Variants in FHOD3 observed in about 807,000 individuals in gnomAD.
FHOD3 encodes formin homology 2 domain containing 3.
FHOD3 carries 90 observed loss-of-function variants against 173.0 expected under a neutral mutation model. The observed-to-expected ratio is 0.52, with a 90% CI of 0.44 to 0.62. The LOEUF is 0.62. Among genes scored for constraint, FHOD3 ranks in the 20% least tolerant of loss-of-function variants. FHOD3 has a pLI of 0.00. For missense variants in FHOD3, 1,945 were observed against 2,034.7 expected (o/e 0.96, Z 0.85); for synonymous variants, 828 against 823.0 (o/e 1.01, Z -0.10).
At chr18:36,496,296 A>G (rs2054740614) in intron 3 of FHOD3, among the ~76,000 whole-genome samples, 1 of 152,130 alleles carries the variant, frequency 6.6e-6, no homozygotes, top group Non-Finnish European at 1.5e-5. Flanking sequence ...GTCACATCAA[A>G]GTTGCTGGTT....
intron 1 of FHOD3, among the ~76,000 whole-genome samples, chr18:36,350,101 A>C (rs548240945): frequency 6.6e-6 from 1 of 152,150 alleles, no homozygotes; most frequent in Non-Finnish European, 1.5e-5. Context: ...TGACTGCACT[A>C]TCTTTGCTGG....
chr18:36,448,698 C>G (rs923730124), intron 3 of FHOD3, among the ~76,000 whole-genome samples: 2 of 148,728 alleles, frequency 1.3e-5, no homozygotes, highest in Non-Finnish European at 3.0e-5. Context: ...TCTTGCTGGG[C>G]CAGTGAGGGT....
chr18:36,575,544 A>AT (rs1325566310), intron 5 of FHOD3, among the ~76,000 whole-genome samples: 18 of 152,160 alleles, frequency 1.2e-4, no homozygotes, highest in African/African-American at 4.3e-4. Context: ...ATTCTTCTGT[A>AT]TTTTTCTAAT....
chr18:36,447,971 G>A, intron 3 of FHOD3, among the ~76,000 whole-genome samples: 1 of 152,206 alleles, frequency 6.6e-6, no homozygotes, highest in East Asian at 1.9e-4. Flanking sequence ...AGAGAACATT[G>A]TGTAGACTTT....
chr18:36,746,874 A>AT, intron 23 of FHOD3, 71 bp from the exon 24 acceptor site: 2 of 1,189,126 alleles, frequency 1.7e-6, no homozygotes, highest in Non-Finnish European at 2.3e-6. Flanking sequence ...CCCCAGAGGC[A>AT]GTTTTGTCTC....
chr18:36,305,992 CCCT>C (rs1440715875), intron 1 of FHOD3, among the ~76,000 whole-genome samples: 1 of 152,140 alleles, frequency 6.6e-6, no homozygotes, highest in African/African-American at 2.4e-5. Flanking sequence ...AATACTGTCC[CCCT>C]CCTCTGTCTG....
intron 17 of FHOD3, among the ~76,000 whole-genome samples, chr18:36,695,874 A>G (rs2039253973): frequency 6.6e-6 from 1 of 152,232 alleles, no homozygotes; most frequent in Admixed American, 6.5e-5. Flanking sequence ...TCAAATGTTC[A>G]AAAGTAACCT....
intron 1 of FHOD3, among the ~76,000 whole-genome samples, chr18:36,304,551 A>G (rs1241045695): frequency 6.6e-6 from 1 of 152,118 alleles, no homozygotes; most frequent in Non-Finnish European, 1.5e-5. Context: ...GCTAACCATC[A>G]GTGGATTTTT....
At chr18:36,401,840 A>G (rs2048825539) in intron 3 of FHOD3, among the ~76,000 whole-genome samples, 1 of 152,188 alleles carries the variant, frequency 6.6e-6, no homozygotes, top group Non-Finnish European at 1.5e-5. Context: ...GCAGACCTGA[A>G]GGACCATTTT....
At chr18:36,774,774 C>G (rs1484699876) in intron 28 of FHOD3, among the ~76,000 whole-genome samples, 2 of 152,174 alleles carry the variant, frequency 1.3e-5, no homozygotes, top group Non-Finnish European at 2.9e-5. Flanking sequence ...AGGCTTTATT[C>G]AGATTTCACC....
intron 10 of FHOD3, among the ~76,000 whole-genome samples, chr18:36,637,716 G>C (rs75162490): frequency 0.11 from 16,840 of 152,212 alleles, 1,078 homozygotes; most frequent in Non-Finnish European, 0.14. Flanking sequence ...AGCCAGCAGG[G>C]CCATGTGGTA....
At chr18:36,436,347 TTTA>T (rs2050809811) in intron 3 of FHOD3, among the ~76,000 whole-genome samples, 1 of 152,142 alleles carries the variant, frequency 6.6e-6, no homozygotes, top group African/African-American at 2.4e-5. Flanking sequence ...ATCTGGGATA[TTTA>T]TTGGGATTGC....
intron 1 of FHOD3, among the ~76,000 whole-genome samples, chr18:36,319,802 G>A (rs1050916580): frequency 2.0e-5 from 3 of 152,124 alleles, no homozygotes; most frequent in African/African-American, 7.2e-5. Flanking sequence ...AGACCACAGT[G>A]CAATCAAATT....
intron 19 of FHOD3, among the ~76,000 whole-genome samples, chr18:36,719,108 T>A (rs11081961): frequency 0.3 from 45,720 of 152,130 alleles, 7,358 homozygotes; most frequent in South Asian, 0.45. Context: ...TCATTGACTA[T>A]GAGTGATAGT....
intron 1 of FHOD3, among the ~76,000 whole-genome samples, chr18:36,349,130 T>C (rs2045999304): frequency 6.6e-6 from 1 of 152,190 alleles, no homozygotes; most frequent in Admixed American, 6.5e-5. Flanking sequence ...GGCTTGGCCA[T>C]CCAGGCTGGC....
intron 18 of FHOD3, chr18:36,710,974 G>C (rs890285624): frequency 6.6e-6 from 1 of 152,170 alleles, no homozygotes; most frequent in African/African-American, 2.4e-5. Context: ...AGGCGACAGG[G>C]CTTTCTTGGA....
chr18:36,690,456 G>A (rs148469001), intron 16 of FHOD3, among the ~76,000 whole-genome samples: 534 of 152,204 alleles, frequency 3.5e-3, no homozygotes, highest in African/African-American at 0.013. Context: ...TGGGCCGGTG[G>A]GTCCTCAGAT....
At position 36,652,946 on chromosome 18, in the gene FHOD3, G is replaced by A. The variant is rs1335501186; in HGVS notation, c.1646+17G>A. 3 of 1,519,312 alleles carry A rather than the reference G, an allele frequency of 2.0e-6. No homozygotes were observed. The highest frequency in any genetic ancestry group is 2.6e-6 in the Non-Finnish European group (3 of 1,135,886). The allele number at this position is 1,519,312 out of a possible 1,614,324, so 94.1% of individuals were successfully genotyped here. ...GGAAAACAGGTAGATTTGCTCACCTGGAGGCTTGTTTGAGATTAACTCGGG... is the reference window on the plus strand; with the variant it reads ...GGAAAACAGGTAGATTTGCTCACCTAGAGGCTTGTTTGAGATTAACTCGGG... On this transcript the variant is annotated intron_variant, in intron 12 of 28. Coordinates refer to ENST00000590592, the MANE Select transcript of FHOD3 (RefSeq NM_001281740.3).
At chr18:36,709,798 T>C (rs1158959998) in intron 18 of FHOD3, 1 of 167,676 alleles carries the variant, frequency 6.0e-6, no homozygotes, top group East Asian at 1.7e-4. Context: ...ACTGTCACAT[T>C]GTCATCTATT....
Sources: gnomAD v4.1 joint callset for allele counts (sites outside exome capture counted in the v4.1 genomes callset) on GRCh38, gnomAD v4.1.1 for gene constraint, MANE v1.5 for transcripts, NCBI Gene and HGNC (gene_info 2026-07-23, HGNC 2026-07-21) for gene names.